Variants in P4HA2 observed in about 807,000 individuals in gnomAD.
P4HA2 encodes the protein prolyl 4-hydroxylase subunit alpha-2.
A neutral mutation model predicts 76.9 loss-of-function variants in P4HA2; 46 were observed. The ratio of observed to expected loss-of-function variants is 0.60; its 90% confidence interval spans 0.47 to 0.76. The LOEUF is 0.76. P4HA2 is among the 30% of genes least tolerant of loss of function. The pLI, the probability that P4HA2 is intolerant of heterozygous loss-of-function variation, is 0.00. For missense variants in P4HA2, 583 were observed against 669.4 expected, an observed-to-expected ratio of 0.87 and a Z score of 1.42; for synonymous variants, 243 against 254.0, an observed-to-expected ratio of 0.96 and a Z score of 0.41.
At position 132,190,473 on chromosome 5, in the gene P4HA2, T is replaced by C. The variant is rs1350014736; in HGVS notation, c.*2537A>G. Among the ~76,000 whole-genome samples, 2 of 152,190 alleles carry C rather than the reference T, an allele frequency of 1.3e-5. No individual in the cohort carries two copies. Among genetic ancestry groups the C allele is most frequent in the Non-Finnish European group, 2.9e-5 (2 of 68,038 alleles). On this transcript the variant is annotated 3_prime_UTR_variant, in exon 15 of 15. Transcript: ENST00000360568. ...AGTGGTTTTTTGCATGAGACAATTT[T>C]ATATATTAAGCCCCTGAGATTTAAG...
intron 1 of P4HA2, among the ~76,000 whole-genome samples, chr5:132,225,042 C>T (rs907379378): frequency 8.5e-6 from 1 of 117,052 alleles, no homozygotes; most frequent in African/African-American, 3.3e-5. Context: ...TTCTCCTCTG[C>T]TCTGAGGAAA....
chr5:132,204,960 A>T (rs938131496), intron 8 of P4HA2, among the ~76,000 whole-genome samples: 1 of 152,238 alleles, frequency 6.6e-6, no homozygotes, highest in Non-Finnish European at 1.5e-5. Flanking sequence ...TCAGCTGTGG[A>T]CTGTCCTCAT....
intron 5 of P4HA2, 111 bp downstream of exon 5, chr5:132,213,805 T>G: frequency 1.0e-6 from 1 of 960,628 alleles, no homozygotes. Context: ...AGCCAAGAGG[T>G]GCACCAGAGG....
At chr5:132,225,674 C>T (rs1031995692) in intron 1 of P4HA2, among the ~76,000 whole-genome samples, 1 of 152,216 alleles carries the variant, frequency 6.6e-6, no homozygotes, top group African/African-American at 2.4e-5. Context: ...CAGGCACGCT[C>T]CAGTCAGAAG....
At chr5:132,195,506 A>C (rs1580641261) in intron 12 of P4HA2, 26 bp from the exon 13 acceptor site, 1 of 1,563,510 alleles carries the variant, frequency 6.4e-7, no homozygotes, top group Non-Finnish European at 8.8e-7. Flanking sequence ...ATAGAGCTTG[A>C]CCCTCCTACC....
chr5:132,221,309 T>C lies in P4HA2; in HGVS notation c.-18-2665A>G, dbSNP rs558460161. ...CACTTTTATGAAAAACAAAGTGACA[T>C]CTTGAGCAGAAAACCAATACTGAGT... is the stretch of plus-strand genomic sequence containing the variant. On this transcript the variant is annotated intron_variant, in intron 1 of 14. Transcript: ENST00000360568. 7.9e-5 allele frequency among the ~76,000 whole-genome samples: 12 copies of C among 152,274 alleles called. No individual in the cohort carries two copies. In the South Asian group the frequency reaches 2.3e-3, roughly 29 times the overall value.
intron 11 of P4HA2, 73 bp from the exon 12 acceptor site, chr5:132,198,453 G>A: frequency 7.2e-7 from 1 of 1,387,658 alleles, no homozygotes; most frequent in Non-Finnish European, 1.0e-6. Context: ...AGGACCAAAA[G>A]GGTCAGGGAA....
chr5:132,203,800 C>T lies in P4HA2; in HGVS notation c.1199G>A (p.Arg400His), dbSNP rs187899365. The T allele has an allele frequency of 3.9e-5, 63 of 1,613,822 alleles. No homozygotes were observed. Among genetic ancestry groups the T allele is most frequent in the African/African-American group, 2.5e-4 (19 of 75,034 alleles). Residue 400 changes from arginine (R) to histidine (H), a missense_variant, in exon 10 of 15, where the codon CGT becomes CAT. By Grantham distance (29) the Arg-to-His change is conservative. Coordinates refer to ENST00000360568, the MANE Select transcript of P4HA2 (RefSeq NM_001017974.2). ...TAACCCTGTGATATGCTGCATCCGA[C>T]GATTTACTCGGGCCACAACAGGGTC... ...DDDPVVARVNRRMQHITGLTV... is the reference protein window; with the variant it reads ...DDDPVVARVNHRMQHITGLTV...
rs1031655977 is a variant in P4HA2 at position 132,203,766 on chromosome 5, CT to C, written c.1232del (p.Lys411ArgfsTer39). On this transcript the variant is annotated frameshift_variant, in exon 10 of 15. Transcript: ENST00000360568. LOFTEE classifies it high-confidence loss of function. ...TCTGTACCTGTAACAATTCTGCAGT[CT>C]TTACTGTTAACCCTGTGATATGCTG... ...RMQHITGLTV[K>X]TAELLQVANY... 1.2e-6 allele frequency: 2 copies of C among 1,607,892 alleles called. No homozygotes were observed. The highest frequency in any genetic ancestry group is 1.7e-5 in the Admixed American group (1 of 60,032).
intron 8 of P4HA2, among the ~76,000 whole-genome samples, chr5:132,206,607 G>A (rs1752244583): frequency 1.3e-5 from 2 of 152,072 alleles, no homozygotes; most frequent in African/African-American, 4.8e-5. Flanking sequence ...TGTCAAATGG[G>A]GAACAAATCT....
intron 7 of P4HA2, 21 bp downstream of exon 7, chr5:132,209,117 T>TA (rs36094565): frequency 6.3e-7 from 1 of 1,592,518 alleles, no homozygotes; most frequent in African/African-American, 1.3e-5. Flanking sequence ...TTTGGCACCC[T>TA]AGCCCCCTCA....
intron 12 of P4HA2, 107 bp from the exon 13 acceptor site, chr5:132,195,587 G>A: frequency 1.2e-6 from 1 of 804,566 alleles, no homozygotes; most frequent in South Asian, 1.4e-5. Context: ...CTCAGCATGA[G>A]TGACACTACT....
chr5:132,211,204 G>A (rs954972306), intron 5 of P4HA2, among the ~76,000 whole-genome samples: 2 of 152,208 alleles, frequency 1.3e-5, no homozygotes, highest in East Asian at 3.9e-4. Context: ...TATGACCAAA[G>A]GTCATCTGCT....
intron 8 of P4HA2, among the ~76,000 whole-genome samples, chr5:132,206,284 G>A (rs1181987821): frequency 2.0e-5 from 3 of 152,094 alleles, no homozygotes; most frequent in African/African-American, 7.2e-5. Context: ...GAGGACTCTG[G>A]AGCTGAGTAG....
intron 14 of P4HA2, among the ~76,000 whole-genome samples, chr5:132,194,577 G>A (rs576506440): frequency 2.0e-5 from 3 of 151,486 alleles, no homozygotes; most frequent in South Asian, 4.2e-4. Flanking sequence ...ATCCATATGG[G>A]CCTTGTTTGC....
In P4HA2 at chr5:132,218,689, AG is replaced by A. The variant is rs1330254489; in HGVS notation, c.-18-46del. The A allele has an allele frequency of 2.5e-6, 3 of 1,210,624 alleles. No individual in the cohort carries two copies. The South Asian group carries it at 3.6e-5, about 15-fold the overall frequency. The allele number at this position is 1,210,624 out of a possible 1,614,324, so 75.0% of individuals were successfully genotyped here. ...AATCACTGGATCAACAAAGTGAAAA[AG>A]ACTAATTTAGGTGAGGAGACACATA... On this transcript the variant is annotated intron_variant, in intron 1 of 14. Transcript: ENST00000360568.
At chr5:132,209,931 A>G (rs1309745104) in intron 6 of P4HA2, among the ~76,000 whole-genome samples, 1 of 152,156 alleles carries the variant, frequency 6.6e-6, no homozygotes, top group African/African-American at 2.4e-5. Flanking sequence ...CACTGTAACA[A>G]TCCTAAAGTA....
chr5:132,217,315 C>G lies in P4HA2; in HGVS notation c.213G>C (p.Lys71Asn). The G allele has an allele frequency of 1.2e-6, 2 of 1,614,204 alleles. No individual in the cohort carries two copies. The highest frequency in any genetic ancestry group is 1.7e-6 in the Non-Finnish European group (2 of 1,180,012). ...WANKMEALTS[K>N]SAADAEGYLA... Reference sequence around the variant, plus strand: ...GGTAGCCCTCAGCATCAGCAGCTGACTTGCTAGTCAAGGCTTCCATTTTGT... The same window carrying G: ...GGTAGCCCTCAGCATCAGCAGCTGAGTTGCTAGTCAAGGCTTCCATTTTGT... The change falls in exon 4 of 15, where the codon AAG becomes AAC. Residue 71 changes from lysine (K) to asparagine (N), a missense_variant. Lys to Asn is a moderately conservative substitution (Grantham distance 94, BLOSUM62 0). Transcript: ENST00000360568.
intron 1 of P4HA2, among the ~76,000 whole-genome samples, chr5:132,219,928 GA>G: frequency 1.3e-5 from 2 of 152,286 alleles, no homozygotes; most frequent in South Asian, 4.1e-4. Flanking sequence ...CTATCAGAAG[GA>G]AAGCATAAGT....
Sources: gnomAD v4.1 joint callset for allele counts (sites outside exome capture counted in the v4.1 genomes callset) on GRCh38, gnomAD v4.1.1 for gene constraint, MANE v1.5 for transcripts, NCBI Gene and HGNC (gene_info 2026-07-23, HGNC 2026-07-21) for gene names.